DQX1: variants seen among roughly 807,000 people sequenced by gnomAD.
The protein encoded by DQX1 is ATP-dependent RNA helicase homolog DQX1.
DQX1 carries 66 observed loss-of-function variants against 81.3 expected under a neutral mutation model. The observed-to-expected ratio is 0.81, with a 90% CI of 0.67 to 1.00. The LOEUF is 1.00. Ranked by LOEUF, DQX1 falls within the 50% of genes least tolerant of loss-of-function variation. The pLI is 0.00. For synonymous variants in DQX1, 290 were observed against 350.0 expected (o/e 0.83, Z 1.91); for missense variants, 798 against 867.9 (o/e 0.92, Z 1.01).
In DQX1 at chr2:74,524,989, A is replaced by G. The variant is rs201822612; in HGVS notation, c.431+20T>C. 3.4e-5 allele frequency: 54 copies of G among 1,600,708 alleles called. 1 individual carries two copies. Among genetic ancestry groups the G allele is most frequent in the Admixed American group, 1.7e-5 (1 of 58,318 alleles). ...GAATAAGGGGAATTATATTCGGGTA[A>G]GGCCTGCAGAGGCCCCCACCTGAGC... On this transcript the variant is annotated intron_variant, in intron 3 of 11. Transcript: ENST00000404568.
At position 74,525,004 on chromosome 2, in the gene DQX1, C is replaced by G. The variant is rs754362282; in HGVS notation, c.431+5G>C. Reference sequence around the variant, plus strand: ...TATTCGGGTAAGGCCTGCAGAGGCCCCCACCTGAGCAGGGTGTTGGGCCCC... The same window carrying G: ...TATTCGGGTAAGGCCTGCAGAGGCCGCCACCTGAGCAGGGTGTTGGGCCCC... On this transcript the variant is annotated splice_donor_5th_base_variant and intron_variant, in intron 3 of 11. Coordinates refer to ENST00000404568, the MANE Select transcript of DQX1 (RefSeq NM_133637.3). This position sits in a 1 kb window ranked among gnomAD's most constrained non-coding sequence, Gnocchi z 4.1. The G allele has an allele frequency of 6.2e-7, 1 of 1,611,286 alleles. No homozygotes were observed. Among genetic ancestry groups the G allele is most frequent in the South Asian group, 1.1e-5 (1 of 90,942 alleles).
chr2:74,525,080 G>A lies in DQX1; in HGVS notation c.360C>T (p.Asp120=), dbSNP rs750766398. ...SLALRVADEM[D]LTLGHEVGYS... is the part of the protein sequence containing the mutation. ...ATCCAACCTCATGACCCAGGGTCAG[G>A]TCCATCTCATCAGCAACCCGCAGAG... Residue 120 remains aspartate, a synonymous_variant, in exon 3 of 12, where the codon GAC becomes GAT. Transcript: ENST00000404568. The surrounding 1 kb of genome is among the most constrained non-coding windows in gnomAD (Gnocchi z 4.1). 3.1e-6 allele frequency: 5 copies of A among 1,614,132 alleles called. No homozygotes were observed. The highest frequency in any genetic ancestry group is 3.4e-6 in the Non-Finnish European group (4 of 1,180,016).
At position 74,519,576 on chromosome 2, in the gene DQX1, C is replaced by A; in HGVS notation, c.1786G>T (p.Val596Leu). The change falls in exon 10 of 12, where the codon GTG (valine) becomes TTG (leucine). Residue 596 changes from valine to leucine, a missense_variant. By Grantham distance (32) the Val-to-Leu change is conservative. Transcript: ENST00000404568. ...QNRRDLQKAL[V>L]SGYFLKVARD... is the part of the protein sequence containing the mutation. ...CTAACCTTGAGAAAGTATCCTGACA[C>A]CAGTGCTTTCTGAAGGTCTCTGCGA... 1 of 1,614,234 alleles carries A rather than the reference C, an allele frequency of 6.2e-7. No homozygotes were observed. The highest frequency in any genetic ancestry group is 8.5e-7 in the Non-Finnish European group (1 of 1,180,046).
chr2:74,522,472 G>A, intron 8 of DQX1, 108 bp downstream of exon 8: 1 of 1,330,708 alleles, frequency 7.5e-7, no homozygotes, highest in Non-Finnish European at 1.0e-6. Flanking sequence ...CATTGTGAGG[G>A]GTGGCAACTG....
intron 11 of DQX1, 121 bp from the exon 12 acceptor site, chr2:74,518,723 T>TGTAGCCTTAGACTCCCGTAATCC (rs1674951324): frequency 1.0e-6 from 1 of 977,608 alleles, no homozygotes; most frequent in Admixed American, 2.3e-5. Flanking sequence ...CATAACTCAC[T>TGTAGCCTTAGACTCCCGTAATCC]GTAGCCTTAG....
Position 74,525,405 on chromosome 2 carries a change from C to T in DQX1, c.237+88G>A. ...CCACGCAGCCCAGTCCCCCCTTGCC[C>T]AGGGAAAGGCCACTTTCCCTTTGTC... On this transcript the variant is annotated intron_variant, in intron 2 of 11. Transcript: ENST00000404568. The surrounding 1 kb of genome is among the most constrained non-coding windows in gnomAD (Gnocchi z 4.1). 1 of 1,404,952 alleles carries T rather than the reference C, an allele frequency of 7.1e-7. No individual in the cohort carries two copies. The highest frequency in any genetic ancestry group is 9.7e-7 in the Non-Finnish European group (1 of 1,032,620). The allele number at this position is 1,404,952 out of a possible 1,614,324, so 87.0% of individuals were successfully genotyped here. A position where few individuals can be genotyped will look rare whatever the true frequency, so the allele number is the denominator to read the frequency against.
intron 8 of DQX1, among the ~76,000 whole-genome samples, chr2:74,521,324 G>C (rs1675016772): frequency 6.6e-6 from 1 of 152,114 alleles, no homozygotes; most frequent in South Asian, 2.1e-4. Flanking sequence ...GTTCAGTTCT[G>C]AGCTGAGGTA....
chr2:74,522,543 G>C, intron 8 of DQX1, 37 bp downstream of exon 8: 2 of 1,587,840 alleles, frequency 1.3e-6, no homozygotes, highest in Non-Finnish European at 1.7e-6. Flanking sequence ...GGCTGAAGTG[G>C]TTTCAAGAGC....
intron 4 of DQX1, 27 bp downstream of exon 4, chr2:74,523,896 T>C: frequency 2.0e-6 from 3 of 1,498,728 alleles, no homozygotes; most frequent in Non-Finnish European, 1.8e-6. Flanking sequence ...TTGCAGGCTG[T>C]TTTTTTTGTT....
In DQX1 at chr2:74,525,537, C is replaced by T. The variant is rs765715639; in HGVS notation, c.193G>A (p.Val65Met). The change falls in exon 2 of 12, where the codon GTG becomes ATG. Residue 65 changes from valine to methionine, a missense_variant. Coordinates refer to ENST00000404568, the MANE Select transcript of DQX1 (RefSeq NM_133637.3). The surrounding 1 kb of genome is among the most constrained non-coding windows in gnomAD (Gnocchi z 4.1). Reference protein sequence around the residue: ...LEQLESNPTGVVLVSGEPGSG... With the variant: ...LEQLESNPTGMVLVSGEPGSG... The stretch of plus-strand genomic sequence containing the variant: ...CCAGGCTCCCCAGACACCAGCACCA[C>T]TCCAGTGGGGTTACTCTCCAACTGC... 6.4e-7 allele frequency: 1 copy of T among 1,552,296 alleles called. No homozygotes were observed.
chr2:74,521,744 CCTCTCCCCCTCTTTCCCTCTCCCT>C (rs1342018934), intron 8 of DQX1, among the ~76,000 whole-genome samples: 7,420 of 144,370 alleles, frequency 0.051, 687 homozygotes, highest in African/African-American at 0.18. Flanking sequence ...CCTCTCTCCC[CCTCTCCCCCTCTTTCCCTCTCCCT>C]CTCTCCCCCT....
rs1377424331 is a variant in DQX1, at chr2:74,518,260, C to T, written c.*186G>A. On this transcript the variant is annotated 3_prime_UTR_variant, in exon 12 of 12. Coordinates refer to ENST00000404568, the MANE Select transcript of DQX1 (RefSeq NM_133637.3). Reference sequence around the variant, plus strand: ...AGAAGGCTAAGGAAAGAGTCCTTCCCTATGTAGACTGTGGTTTACCCCATT... The same window carrying T: ...AGAAGGCTAAGGAAAGAGTCCTTCCTTATGTAGACTGTGGTTTACCCCATT... 1.6e-6 allele frequency: 1 copy of T among 614,680 alleles called. No individual in the cohort carries two copies. Among genetic ancestry groups the T allele is most frequent in the Non-Finnish European group, 2.7e-6 (1 of 363,698 alleles). The allele number at this position is 614,680 out of a possible 1,614,324, so 38.1% of individuals were successfully genotyped here.
At chr2:74,521,426 G>A (rs1675019482) in intron 8 of DQX1, among the ~76,000 whole-genome samples, 1 of 152,072 alleles carries the variant, frequency 6.6e-6, no homozygotes, top group African/African-American at 2.4e-5. Flanking sequence ...GAGGTGGATG[G>A]ATCACCTGAG....
chr2:74,519,756 G>GA lies in DQX1; in HGVS notation c.1616-11dup, dbSNP rs752874772. 2 of 1,613,876 alleles carry GA rather than the reference G, an allele frequency of 1.2e-6. No homozygotes were observed. The highest frequency in any genetic ancestry group is 4.5e-5 in the East Asian group (2 of 44,880). On this transcript the variant is annotated splice_polypyrimidine_tract_variant and intron_variant, in intron 9 of 11. Coordinates refer to ENST00000404568, the MANE Select transcript of DQX1 (RefSeq NM_133637.3). The stretch of plus-strand genomic sequence containing the variant: ...GCCTCATCTGCTCCACCTAGGAGAG[G>GA]AAAGGGACCAGCTAAACTAAAGTCC...
At chr2:74,522,475 G>A (rs1675053371) in intron 8 of DQX1, 105 bp downstream of exon 8, 2 of 1,370,230 alleles carry the variant, frequency 1.5e-6, no homozygotes, top group African/African-American at 2.9e-5. Flanking sequence ...TGTGAGGGGT[G>A]GCAACTGGAG....
rs763374369 is a variant in DQX1, at chr2:74,518,573, A to G, written c.2027T>C (p.Leu676Pro). The change falls in exon 12 of 12, where the codon CTG becomes CCG. Residue 676 changes from leucine to proline, a missense_variant. Physicochemically the swap from Leu to Pro is moderately conservative, Grantham distance 98. Coordinates refer to ENST00000404568, the MANE Select transcript of DQX1 (RefSeq NM_133637.3). ...GCTCTCACTGGGAGGCAAGTTACTC[A>G]GGAAGTATGGAGGGGCCAATTCCAC... ...MLVELAPPYF[L>P]SNLPPSESRD... 3 of 1,614,072 alleles carry G rather than the reference A, an allele frequency of 1.9e-6. No homozygotes were observed. The highest frequency in any genetic ancestry group is 4.5e-5 in the East Asian group (2 of 44,894).
intron 4 of DQX1, 88 bp from the exon 5 acceptor site, chr2:74,523,625 C>G (rs562369621): frequency 7.8e-6 from 10 of 1,278,486 alleles, no homozygotes; most frequent in South Asian, 1.4e-5. Flanking sequence ...AAAGTTATGG[C>G]CCTTCACTCT....
At chr2:74,521,475 A>C (rs1490330804) in intron 8 of DQX1, among the ~76,000 whole-genome samples, 1 of 151,810 alleles carries the variant, frequency 6.6e-6, no homozygotes, top group African/African-American at 2.4e-5. Flanking sequence ...CATGGCAAAA[A>C]CCCGTCTCTA....
In DQX1 at chr2:74,522,872, G is replaced by A. The variant is rs1223044315; in HGVS notation, c.1287C>T (p.His429=). The change falls in exon 7 of 12, where the codon CAC becomes CAT. Residue 429 remains histidine, a synonymous_variant. Coordinates refer to ENST00000404568, the MANE Select transcript of DQX1 (RefSeq NM_133637.3). ...GGTGCTCACCAGGCTGGTCCAGGAAGTGACACTCCCCTGGCTCTGCAATCT... is the reference window on the plus strand; with the variant it reads ...GGTGCTCACCAGGCTGGTCCAGGAAATGACACTCCCCTGGCTCTGCAATCT... ...RRQIAEPGEC[H]FLDQPAPEAL... 1 of 1,613,834 alleles carries A rather than the reference G, an allele frequency of 6.2e-7. No individual in the cohort carries two copies. Among genetic ancestry groups the A allele is most frequent in the African/African-American group, 1.3e-5 (1 of 74,916 alleles).
Sources: allele counts gnomAD v4.1 joint callset (sites outside exome capture counted in the v4.1 genomes callset), GRCh38; gene constraint gnomAD v4.1.1; non-coding constraint Gnocchi (gnomAD v3.1); transcripts MANE v1.5; gene names NCBI Gene and HGNC (gene_info 2026-07-23, HGNC 2026-07-21).